Variants in SORCS1 observed in about 807,000 individuals in gnomAD.
SORCS1 encodes sortilin related VPS10 domain containing receptor 1.
SORCS1 carries 60 observed loss-of-function variants against 146.1 expected under a neutral mutation model. That is an observed-to-expected ratio of 0.41 (90% CI 0.33 to 0.51). The LOEUF (loss-of-function observed/expected upper bound fraction) is 0.51, where lower values mean the gene tolerates loss of function less well. SORCS1 is among the 20% of genes least tolerant of loss of function. The pLI is 0.21. For synonymous variants in SORCS1, 637 were observed against 584.0 expected (o/e 1.09, Z -1.31); for missense variants, 1,352 against 1,487.6 (o/e 0.91, Z 1.50).
At chr10:107,020,421 C>A (rs565369359) in intron 1 of SORCS1, among the ~76,000 whole-genome samples, 1 of 152,222 alleles carries the variant, frequency 6.6e-6, no homozygotes, top group East Asian at 1.9e-4. Context: ...ATGCTGGCAT[C>A]CATAAGTTTG....
chr10:106,609,057 A>T (rs1846796711), intron 22 of SORCS1, among the ~76,000 whole-genome samples: 1 of 152,186 alleles, frequency 6.6e-6, no homozygotes, highest in Admixed American at 6.5e-5. Context: ...GGTGCATCTC[A>T]ATTTCCACTC....
chr10:106,794,305 G>A (rs369495461), intron 3 of SORCS1, among the ~76,000 whole-genome samples: 1 of 151,980 alleles, frequency 6.6e-6, no homozygotes, highest in African/African-American at 2.4e-5. Context: ...ACTAAAAGCA[G>A]GTCTCTGTTG....
intron 24 of SORCS1, among the ~76,000 whole-genome samples, chr10:106,596,079 A>G (rs1446887640): frequency 3.9e-5 from 6 of 152,212 alleles, no homozygotes; most frequent in Non-Finnish European, 7.3e-5. Flanking sequence ...TGTCTTTCCC[A>G]GGATTCCATA....
At chr10:107,024,031 G>A (rs902829233) in intron 1 of SORCS1, among the ~76,000 whole-genome samples, 17 of 152,106 alleles carry the variant, frequency 1.1e-4, no homozygotes, top group East Asian at 3.9e-4. Flanking sequence ...AAAATTAGCC[G>A]GGCATGGTGG....
chr10:107,074,691 A>C (rs1962733336), intron 1 of SORCS1, among the ~76,000 whole-genome samples: 1 of 152,152 alleles, frequency 6.6e-6, no homozygotes, highest in Admixed American at 6.5e-5. Flanking sequence ...GTTGCTCCAC[A>C]TCCTTGTCAA....
At chr10:107,039,727 C>G (rs531696294) in intron 1 of SORCS1, among the ~76,000 whole-genome samples, 6 of 152,316 alleles carry the variant, frequency 3.9e-5, no homozygotes, top group African/African-American at 1.2e-4. Flanking sequence ...CCACTGCAAT[C>G]TATGTTAAAT....
chr10:106,643,656 C>G (rs2133694986), intron 18 of SORCS1, among the ~76,000 whole-genome samples: 1 of 152,362 alleles, frequency 6.6e-6, no homozygotes, highest in South Asian at 2.1e-4. Flanking sequence ...AGTGAACTGA[C>G]TTGTTATCTT....
intron 1 of SORCS1, among the ~76,000 whole-genome samples, chr10:106,957,174 G>GTTTTTTTTTTTTGT (rs1288054851): frequency 3.2e-5 from 2 of 62,840 alleles, no homozygotes; most frequent in African/African-American, 1.2e-4. Flanking sequence ...TGTTTTTTTT[G>GTTTTTTTTTTTTGT]TTTTTTTTTT....
chr10:106,961,186 G>A (rs1182047630), intron 1 of SORCS1, among the ~76,000 whole-genome samples: 2 of 152,146 alleles, frequency 1.3e-5, no homozygotes, highest in Non-Finnish European at 2.9e-5. Context: ...CAAAACAGTA[G>A]GGCAAAAAGC....
chr10:106,667,810 G>T lies in SORCS1; in HGVS notation c.2190-8C>A. ...CGCTCATAACCATAGTCGCTGTTAG[G>T]AAAGAGCCGAGAAAAACCTTTCACT... is the stretch of plus-strand genomic sequence containing the variant. On this transcript the variant is annotated splice_polypyrimidine_tract_variant and splice_region_variant and intron_variant, in intron 16 of 25. Transcript: ENST00000263054. The T allele has an allele frequency of 6.2e-7, 1 of 1,610,884 alleles. No individual in the cohort carries two copies. The highest frequency in any genetic ancestry group is 8.5e-7 in the Non-Finnish European group (1 of 1,178,164).
chr10:107,110,176 G>T (rs1195469694), intron 1 of SORCS1, among the ~76,000 whole-genome samples: 1 of 151,938 alleles, frequency 6.6e-6, no homozygotes, highest in Non-Finnish European at 1.5e-5. Context: ...TTTATTCTAA[G>T]CCCTCCAGAT....
intron 2 of SORCS1, among the ~76,000 whole-genome samples, chr10:106,944,189 G>A (rs1954196173): frequency 6.6e-6 from 1 of 152,092 alleles, no homozygotes; most frequent in African/African-American, 2.4e-5. Flanking sequence ...AATTTTTTGT[G>A]TGTGAAATTC....
chr10:106,775,567 C>T (rs1860368464), intron 4 of SORCS1, among the ~76,000 whole-genome samples: 1 of 152,194 alleles, frequency 6.6e-6, no homozygotes, highest in African/African-American at 2.4e-5. Flanking sequence ...TATGCAAACC[C>T]AGACAAATGA....
intron 3 of SORCS1, among the ~76,000 whole-genome samples, chr10:106,794,724 C>T (rs935971920): frequency 3.3e-5 from 5 of 152,012 alleles, no homozygotes; most frequent in Non-Finnish European, 4.4e-5. Context: ...AGGATGGTCT[C>T]GACCTCCTGA....
chr10:106,694,965 G>C (rs1589680101), intron 9 of SORCS1, among the ~76,000 whole-genome samples: 1 of 152,254 alleles, frequency 6.6e-6, no homozygotes, highest in East Asian at 1.9e-4. Flanking sequence ...ATCCAAACCT[G>C]TCAGGCTCCC....
chr10:107,077,197 C>T (rs142451969), intron 1 of SORCS1, among the ~76,000 whole-genome samples: 3 of 152,044 alleles, frequency 2.0e-5, no homozygotes, highest in Admixed American at 2.0e-4. Context: ...TCTCTGAGGT[C>T]CAGTATATGG....
intron 1 of SORCS1, among the ~76,000 whole-genome samples, chr10:107,067,876 G>A (rs150652326): frequency 1.5e-3 from 224 of 152,300 alleles, no homozygotes; most frequent in African/African-American, 5.2e-3. Context: ...CTAGTACTCA[G>A]AAAGTGCCTG....
At chr10:107,013,758 A>G (rs1957776864) in intron 1 of SORCS1, among the ~76,000 whole-genome samples, 1 of 152,148 alleles carries the variant, frequency 6.6e-6, no homozygotes, top group Non-Finnish European at 1.5e-5. Context: ...TCCTCCTGCC[A>G]GCGTGTCTGA....
intron 2 of SORCS1, among the ~76,000 whole-genome samples, chr10:106,832,076 A>C (rs1336868211): frequency 6.6e-6 from 1 of 152,138 alleles, no homozygotes; most frequent in Non-Finnish European, 1.5e-5. Flanking sequence ...CTTCCTTCCA[A>C]ATCTATCTTT....
Sources: allele counts gnomAD v4.1 joint callset (sites outside exome capture counted in the v4.1 genomes callset), GRCh38; gene constraint gnomAD v4.1.1; transcripts MANE v1.5; gene names NCBI Gene and HGNC (gene_info 2026-07-23, HGNC 2026-07-21).